The following RAD51B variants were observed in gnomAD, a reference collection of about 807,000 sequenced individuals.
RAD51B encodes RAD51 paralog B.
In RAD51B, 38 loss-of-function variants were observed where a neutral mutation model predicts 42.2. The observed-to-expected ratio is 0.90, with a 90% confidence interval of 0.70 to 1.18. The LOEUF is 1.18. RAD51B is among the 50% of genes most tolerant of loss of function. The probability of loss-of-function intolerance (pLI) is 0.00; values close to 1 mark genes in which losing one functional copy is unlikely to be tolerated. For synonymous variants in RAD51B, 154 were observed against 145.2 expected, an observed-to-expected ratio of 1.06 and a Z score of -0.43; for missense variants, 373 against 400.7, an observed-to-expected ratio of 0.93 and a Z score of 0.59.
chr14:68,503,483 C>T (rs1885066648), intron 10 of RAD51B, among the ~76,000 whole-genome samples: 1 of 151,350 alleles, frequency 6.6e-6, no homozygotes, highest in South Asian at 2.1e-4. Context: ...TGAGCGCCTA[C>T]CCACCACTCA....
intron 8 of RAD51B, among the ~76,000 whole-genome samples, chr14:68,394,769 C>T (rs1594774605): frequency 6.6e-6 from 1 of 152,328 alleles, no homozygotes. Context: ...CTTTACTTCA[C>T]CTCTGCCAGG....
At chr14:68,577,275 A>G (rs1044208922) in intron 10 of RAD51B, among the ~76,000 whole-genome samples, 2 of 152,158 alleles carry the variant, frequency 1.3e-5, no homozygotes, top group Non-Finnish European at 2.9e-5. Flanking sequence ...TGGACACCCA[A>G]GGAACTGCCC....
chr14:68,543,115 T>C (rs1433655632), intron 10 of RAD51B, among the ~76,000 whole-genome samples: 2 of 152,248 alleles, frequency 1.3e-5, no homozygotes, highest in Non-Finnish European at 2.9e-5. Context: ...ATATTGTCTC[T>C]GCCAACTACT....
In RAD51B at chr14:68,501,463, G is replaced by A. The variant is rs1474346645; in HGVS notation, c.1036+33213G>A. Among the ~76,000 whole-genome samples, 4 of 152,308 alleles carry A rather than the reference G, an allele frequency of 2.6e-5. No individual in the cohort carries two copies. In the East Asian group the frequency reaches 5.8e-4, roughly 22 times the overall value. ...GATGAGCTGCAGCCAAGGCCCCATG[G>A]AGCTTTGGTGAGGCAGCAACCCCTG... On this transcript the variant is annotated intron_variant, in intron 10 of 10. Coordinates refer to the RAD51B transcript ENST00000487270.
intron 7 of RAD51B, among the ~76,000 whole-genome samples, chr14:67,925,369 T>C (rs944313724): frequency 4.6e-5 from 7 of 151,746 alleles, no homozygotes; most frequent in African/African-American, 1.7e-4. Flanking sequence ...GCCTCCTGAG[T>C]TCAAGCAATT....
intron 10 of RAD51B, among the ~76,000 whole-genome samples, chr14:68,505,243 C>T (rs1189993840): frequency 6.6e-6 from 1 of 152,226 alleles, no homozygotes; most frequent in African/African-American, 2.4e-5. Flanking sequence ...GCTAATTCAT[C>T]CCTGTAACCA....
intron 8 of RAD51B, among the ~76,000 whole-genome samples, chr14:68,406,864 TG>T (rs1223398716): frequency 6.6e-6 from 1 of 151,098 alleles, no homozygotes; most frequent in Non-Finnish European, 1.5e-5. Context: ...TAAACTTTTT[TG>T]TTAAAAATTA....
intron 7 of RAD51B, among the ~76,000 whole-genome samples, chr14:68,114,456 G>T (rs1276887498): frequency 6.6e-6 from 1 of 151,998 alleles, no homozygotes. Context: ...TGAAGTTTTT[G>T]AGGGATATAT....
chr14:68,416,416 T>C (rs1408336274), intron 9 of RAD51B, among the ~76,000 whole-genome samples: 2 of 152,184 alleles, frequency 1.3e-5, no homozygotes, highest in Non-Finnish European at 2.9e-5. Flanking sequence ...TAACTGAATT[T>C]ATCTGCATAC....
rs1406686079 is a variant in RAD51B at position 67,950,831 on chromosome 14, A to T, written c.756+63627A>T. 4.6e-5 allele frequency among the ~76,000 whole-genome samples: 7 copies of T among 151,862 alleles called. 1 individual carries two copies. Among genetic ancestry groups the T allele is most frequent in the Admixed American group, 3.9e-4 (6 of 15,242 alleles). ...TTTTTCCATTTTTTTGTCTAACGTG[A>T]TTCAGAGAAATGTAGAGTTATTAAA... On this transcript the variant is annotated intron_variant, in intron 7 of 10. Transcript: ENST00000471583.
At chr14:67,965,127 A>G (rs2074744875) in intron 7 of RAD51B, among the ~76,000 whole-genome samples, 1 of 152,084 alleles carries the variant, frequency 6.6e-6, no homozygotes, top group Non-Finnish European at 1.5e-5. Context: ...TAAGTAGTTC[A>G]ACCAATCCCA....
intron 7 of RAD51B, among the ~76,000 whole-genome samples, chr14:68,279,739 C>A (rs1416558630): frequency 3.9e-5 from 6 of 152,184 alleles, no homozygotes; most frequent in Non-Finnish European, 2.9e-5. Flanking sequence ...ATACAAATAT[C>A]ATTTCAAATA....
intron 7 of RAD51B, among the ~76,000 whole-genome samples, chr14:67,961,714 T>A (rs934605876): frequency 1.3e-5 from 2 of 152,158 alleles, no homozygotes; most frequent in African/African-American, 4.8e-5. Context: ...TCTCTTCTTT[T>A]CTCAGTATTT....
chr14:68,083,367 A>C (rs2076940765), intron 7 of RAD51B, among the ~76,000 whole-genome samples: 1 of 151,884 alleles, frequency 6.6e-6, no homozygotes, highest in Admixed American at 6.6e-5. Context: ...AAAGTCATTG[A>C]GTAGGTTTGT....
In RAD51B at chr14:67,885,998, T is replaced by C. The variant is rs2043049612; in HGVS notation, c.572+10T>C. 1.3e-6 allele frequency: 2 copies of C among 1,554,066 alleles called. No homozygotes were observed. The highest frequency in any genetic ancestry group is 2.3e-5 in the East Asian group (1 of 43,978). On this transcript the variant is annotated intron_variant, in intron 6 of 10. Transcript: ENST00000471583. ...ATGAAGTTCTACAAAGGTATGCTGC[T>C]TTAGATTTTGATTTTTTAGTAATGC...
At chr14:67,821,170 T>C (rs1252640235) in intron 1 of RAD51B, among the ~76,000 whole-genome samples, 1 of 152,234 alleles carries the variant, frequency 6.6e-6, no homozygotes, top group African/African-American at 2.4e-5. Flanking sequence ...AAATAGCAAT[T>C]GTAATGCTTA....
chr14:68,050,814 G>A lies in RAD51B; in HGVS notation c.756+163610G>A, dbSNP rs1479295249. ...ATATGCAAATACATTATATATAATGGTATAAATGGGGAGGGGGAGTGTGTT... is the reference window on the plus strand; with the variant it reads ...ATATGCAAATACATTATATATAATGATATAAATGGGGAGGGGGAGTGTGTT... On this transcript the variant is annotated intron_variant, in intron 7 of 10. Transcript: ENST00000471583. Among the ~76,000 whole-genome samples, 9 of 152,064 alleles carry A rather than the reference G, an allele frequency of 5.9e-5. No individual in the cohort carries two copies. The East Asian group carries it at 1.3e-3, about 23-fold the overall frequency.
intron 7 of RAD51B, among the ~76,000 whole-genome samples, chr14:68,146,368 C>A (rs778359902): frequency 1.3e-5 from 2 of 151,934 alleles, no homozygotes; most frequent in Admixed American, 1.3e-4. Flanking sequence ...GAGAATTGCT[C>A]GAACCAAGAT....
At chr14:68,120,336 T>A (rs985344999) in intron 7 of RAD51B, among the ~76,000 whole-genome samples, 6 of 152,216 alleles carry the variant, frequency 3.9e-5, no homozygotes, top group Admixed American at 3.9e-4. Flanking sequence ...AGATCCCATT[T>A]GTCAATTTTG....
Sources: gnomAD v4.1 joint callset for allele counts (sites outside exome capture counted in the v4.1 genomes callset) on GRCh38, gnomAD v4.1.1 for gene constraint, MANE v1.5 for transcripts, NCBI Gene and HGNC (gene_info 2026-07-23, HGNC 2026-07-21) for gene names.